The following PTPRE variants were observed in gnomAD, a reference collection of about 807,000 sequenced individuals.
The protein encoded by PTPRE is protein tyrosine phosphatase receptor type E, also known as receptor-type tyrosine-protein phosphatase epsilon.
In PTPRE, 51 loss-of-function variants were observed where a neutral mutation model predicts 102.0. That is an observed-to-expected ratio of 0.50 (90% confidence interval 0.40 to 0.63). PTPRE has a LOEUF of 0.63. Among genes scored for constraint, PTPRE ranks in the 30% least tolerant of loss-of-function variants. The pLI is 0.00. For synonymous variants in PTPRE, 345 were observed against 348.2 expected, an observed-to-expected ratio of 0.99 and a Z score of 0.10; for missense variants, 752 against 915.1, an observed-to-expected ratio of 0.82 and a Z score of 2.30.
intron 2 of PTPRE, among the ~76,000 whole-genome samples, chr10:128,027,738 A>C (rs1396788774): frequency 6.6e-6 from 1 of 152,190 alleles, no homozygotes; most frequent in African/African-American, 2.4e-5. Context: ...AGCCCGAAAA[A>C]GCAGGCTGAG....
intron 2 of PTPRE, among the ~76,000 whole-genome samples, chr10:128,030,027 G>A (rs1846599854): frequency 6.6e-6 from 1 of 152,260 alleles, no homozygotes. Context: ...GGCAGACACA[G>A]GCACAGATCC....
chr10:127,962,825 C>A (rs187135708), intron 1 of PTPRE, among the ~76,000 whole-genome samples: 2 of 152,218 alleles, frequency 1.3e-5, no homozygotes, highest in Non-Finnish European at 2.9e-5. Context: ...CCCCAGCCCC[C>A]GCAATGTCCA....
chr10:127,933,351 G>A (rs181826284), intron 1 of PTPRE, among the ~76,000 whole-genome samples: 225 of 152,338 alleles, frequency 1.5e-3, no homozygotes, highest in Admixed American at 3.2e-3. Flanking sequence ...GAGACAATAT[G>A]TGCTGAGATA....
chr10:128,020,045 T>TGC (rs775286741), intron 2 of PTPRE, among the ~76,000 whole-genome samples: 13 of 116,322 alleles, frequency 1.1e-4, no homozygotes, highest in South Asian at 2.8e-4. Context: ...TGTGTGTGTG[T>TGC]GCACGCGCGC....
chr10:127,978,015 C>T (rs1851315914), intron 1 of PTPRE, among the ~76,000 whole-genome samples: 1 of 152,196 alleles, frequency 6.6e-6, no homozygotes, highest in South Asian at 2.1e-4. Flanking sequence ...TCCAAAGACC[C>T]ACTTCTCCCA....
At chr10:128,066,385 T>A (rs1017225791) in intron 11 of PTPRE, among the ~76,000 whole-genome samples, 191 bp downstream of exon 11, 1 of 152,242 alleles carries the variant, frequency 6.6e-6, no homozygotes, top group African/African-American at 2.4e-5. Flanking sequence ...CAGAGGCCGG[T>A]GCACAAGGGT....
At chr10:127,975,341 A>G (rs1851067897) in intron 1 of PTPRE, among the ~76,000 whole-genome samples, 1 of 152,232 alleles carries the variant, frequency 6.6e-6, no homozygotes, top group Admixed American at 6.5e-5. Flanking sequence ...ATCCGTGCCA[A>G]TCTCATCAGC....
At chr10:127,975,992 G>A (rs1391377036) in intron 1 of PTPRE, among the ~76,000 whole-genome samples, 1 of 152,038 alleles carries the variant, frequency 6.6e-6, no homozygotes, top group Non-Finnish European at 1.5e-5. Context: ...GATCCCTGTT[G>A]GGTGCTTGGC....
rs1162156503 is a variant in PTPRE, at chr10:127,944,246, C to A, written c.-31+36937C>A. On this transcript the variant is annotated intron_variant, in intron 1 of 20. Coordinates refer to ENST00000254667, the MANE Select transcript of PTPRE (RefSeq NM_006504.6). The surrounding 1 kb of genome is among the most constrained non-coding windows in gnomAD (Gnocchi z 4.2). Reference sequence around the variant, plus strand: ...TAGGACTGAGAATTAAGAGGAAGACCACAGCTGTTGTGTCACATGCAGCAT... The same window carrying A: ...TAGGACTGAGAATTAAGAGGAAGACAACAGCTGTTGTGTCACATGCAGCAT... 6.6e-6 allele frequency among the ~76,000 whole-genome samples: 1 copy of A among 152,288 alleles called. No individual in the cohort carries two copies. Among genetic ancestry groups the A allele is most frequent in the East Asian group, 1.9e-4 (1 of 5,190 alleles).
At chr10:127,933,732 G>T (rs573025187) in intron 1 of PTPRE, among the ~76,000 whole-genome samples, 1 of 152,114 alleles carries the variant, frequency 6.6e-6, no homozygotes, top group African/African-American at 2.4e-5. Context: ...TTTCCTCCAT[G>T]CAGTTGTCCA....
chr10:128,014,183 C>G (rs1475964251), intron 2 of PTPRE, among the ~76,000 whole-genome samples: 3 of 152,168 alleles, frequency 2.0e-5, no homozygotes, highest in Non-Finnish European at 4.4e-5. Context: ...GGGACCCCAG[C>G]TCCACAGGTC....
intron 2 of PTPRE, among the ~76,000 whole-genome samples, chr10:128,035,230 C>T (rs975997695): frequency 6.6e-6 from 1 of 152,004 alleles, no homozygotes; most frequent in Non-Finnish European, 1.5e-5. Flanking sequence ...AGCGATCTGT[C>T]GGCCTGGGCA....
chr10:128,010,545 C>CTTTTCTTTTCTTTT (rs71472682), intron 2 of PTPRE, among the ~76,000 whole-genome samples: 5 of 128,278 alleles, frequency 3.9e-5, no homozygotes, highest in African/African-American at 1.5e-4. Context: ...AAACCCTGTT[C>CTTTTCTTTTCTTTT]CTTTTCTTTT....
chr10:128,085,230 G>T lies in PTPRE; in HGVS notation c.*2324G>T. 1 of 381,158 alleles carries T rather than the reference G, an allele frequency of 2.6e-6. No homozygotes were observed. The highest frequency in any genetic ancestry group is 5.3e-6 in the Non-Finnish European group (1 of 187,508). 23.6% of individuals were successfully genotyped at this position (381,158 alleles called of 1,614,324 possible). A position where few individuals can be genotyped will look rare whatever the true frequency, so the allele number is the denominator to read the frequency against. On this transcript the variant is annotated 3_prime_UTR_variant, in exon 21 of 21. Coordinates refer to ENST00000254667, the MANE Select transcript of PTPRE (RefSeq NM_006504.6). ...TGGGCCTTGGAGCACCTCACGCTGGGGGAATCAATCCCTGAGGGACTCAGA... is the reference window on the plus strand; with the variant it reads ...TGGGCCTTGGAGCACCTCACGCTGGTGGAATCAATCCCTGAGGGACTCAGA...
chr10:127,959,586 G>A (rs985521), intron 1 of PTPRE, among the ~76,000 whole-genome samples: 31,456 of 152,186 alleles, frequency 0.21, 3,542 homozygotes, highest in East Asian at 0.38. Context: ...GAAAGTGATT[G>A]CCAGGCAAAT....
chr10:127,981,279 G>A (rs1851588198), intron 1 of PTPRE, among the ~76,000 whole-genome samples: 1 of 152,190 alleles, frequency 6.6e-6, no homozygotes, highest in Non-Finnish European at 1.5e-5. Context: ...AAGACAGAAA[G>A]TAGATTGGTG....
chr10:128,054,407 T>C (rs901159768), intron 6 of PTPRE, among the ~76,000 whole-genome samples: 3 of 152,122 alleles, frequency 2.0e-5, no homozygotes, highest in Non-Finnish European at 4.4e-5. Context: ...TCTAGAATTT[T>C]ACCACAGATG....
Position 128,070,541 on chromosome 10 carries a change from T to A in PTPRE, c.1293+91T>A, listed in dbSNP as rs114769432. 986 of 1,482,586 alleles carry A rather than the reference T, an allele frequency of 6.7e-4. 8 individuals carry two copies. In the African/African-American group the frequency reaches 0.011, roughly 17 times the overall value. 91.8% of individuals were successfully genotyped at this position (1,482,586 alleles called of 1,614,324 possible). On this transcript the variant is annotated intron_variant, in intron 14 of 20. Transcript: ENST00000254667. The surrounding 1 kb of genome is among the most constrained non-coding windows in gnomAD (Gnocchi z 4.8). The stretch of plus-strand genomic sequence containing the variant: ...ACCATTTAAAGGAAGCCTCTTTCAA[T>A]CACTTGCCCCTTAACTGACCTCAGA...
At chr10:128,044,785 T>G (rs1474840427) in intron 3 of PTPRE, among the ~76,000 whole-genome samples, 1 of 152,230 alleles carries the variant, frequency 6.6e-6, no homozygotes, top group Non-Finnish European at 1.5e-5. Flanking sequence ...ACTCCCTGAC[T>G]CCTGGCTGGA....
Sources: allele counts gnomAD v4.1 joint callset (sites outside exome capture counted in the v4.1 genomes callset), GRCh38; gene constraint gnomAD v4.1.1; non-coding constraint Gnocchi (gnomAD v3.1); transcripts MANE v1.5; gene names NCBI Gene and HGNC (gene_info 2026-07-23, HGNC 2026-07-21).